Variants in LGR4 observed in about 807,000 individuals in gnomAD.
The protein encoded by LGR4 is leucine-rich repeat-containing G protein-coupled receptor 4.
In LGR4, 44 loss-of-function variants were observed where a neutral mutation model predicts 84.8. The observed-to-expected ratio is 0.52, with a 90% CI of 0.41 to 0.67. The LOEUF is 0.67. Among genes scored for constraint, LGR4 ranks in the 30% least tolerant of loss-of-function variants. The pLI is 0.00. For missense variants in LGR4, 1,032 were observed against 1,131.4 expected, an observed-to-expected ratio of 0.91 and a Z score of 1.26; for synonymous variants, 429 against 434.3, an observed-to-expected ratio of 0.99 and a Z score of 0.15.
chr11:27,430,325 A>C (rs1864094794), intron 1 of LGR4, among the ~76,000 whole-genome samples: 1 of 152,172 alleles, frequency 6.6e-6, no homozygotes, highest in South Asian at 2.1e-4. Flanking sequence ...ACACACACAG[A>C]TTATACTCCA....
intron 1 of LGR4, among the ~76,000 whole-genome samples, chr11:27,415,186 CA>C: frequency 6.6e-6 from 1 of 152,034 alleles, no homozygotes; most frequent in Non-Finnish European, 1.5e-5. Context: ...AAATATCAGA[CA>C]GTTTTGGTGC....
intron 6 of LGR4, chr11:27,384,119 G>A: frequency 2.2e-6 from 1 of 452,060 alleles, no homozygotes; most frequent in Non-Finnish European, 3.9e-6. Context: ...TGTATTCTTT[G>A]GGGGAAAATA....
At chr11:27,454,202 C>T (rs1440701030) in intron 1 of LGR4, among the ~76,000 whole-genome samples, 2 of 152,202 alleles carry the variant, frequency 1.3e-5, no homozygotes, top group Non-Finnish European at 2.9e-5. Context: ...AGCTCCCTGG[C>T]TTCAACTTGT....
chr11:27,468,602 A>C (rs1864819886), intron 1 of LGR4, among the ~76,000 whole-genome samples: 1 of 152,166 alleles, frequency 6.6e-6, no homozygotes, highest in Non-Finnish European at 1.5e-5. Context: ...AATGGTGTAA[A>C]AAATATAAAA....
chr11:27,382,316 C>CAA (rs1863111670), intron 6 of LGR4, 60 bp from the exon 7 acceptor site: 3 of 1,080,338 alleles, frequency 2.8e-6, no homozygotes, highest in African/African-American at 3.1e-5. Flanking sequence ...ATTCATAAGG[C>CAA]ATTTTGTTAC....
intron 1 of LGR4, among the ~76,000 whole-genome samples, chr11:27,449,306 G>C (rs1052470696): frequency 2.0e-5 from 3 of 152,172 alleles, no homozygotes; most frequent in Admixed American, 2.0e-4. Context: ...ATGTCAGCCA[G>C]GCGAGATGGC....
chr11:27,470,967 C>T (rs1467197559), intron 1 of LGR4, among the ~76,000 whole-genome samples: 1 of 152,120 alleles, frequency 6.6e-6, no homozygotes, highest in East Asian at 1.9e-4. Context: ...TCTAAGAGGT[C>T]CCTTCCACTA....
intron 1 of LGR4, among the ~76,000 whole-genome samples, chr11:27,433,253 T>C (rs887739832): frequency 6.6e-6 from 1 of 152,242 alleles, no homozygotes; most frequent in African/African-American, 2.4e-5. Flanking sequence ...CGCTCTGTCA[T>C]CCAGGCTGGA....
rs1470804284 is a variant in LGR4 at position 27,429,906 on chromosome 11, T to C, written c.186-17046A>G. Among the ~76,000 whole-genome samples the C allele has an allele frequency of 3.3e-5, 5 of 152,164 alleles. No homozygotes were observed. The South Asian group carries it at 8.3e-4, about 25-fold the overall frequency. On this transcript the variant is annotated intron_variant, in intron 1 of 17. Coordinates refer to ENST00000379214, the MANE Select transcript of LGR4 (RefSeq NM_018490.5). The stretch of plus-strand genomic sequence containing the variant: ...GAGACAGGAAGAGGGGGGACCTCCA[T>C]GTGACTGTTCCCCCTGCAGCCCTGC...
chr11:27,424,860 C>T (rs1471531069), intron 1 of LGR4, among the ~76,000 whole-genome samples: 1 of 152,152 alleles, frequency 6.6e-6, no homozygotes, highest in Non-Finnish European at 1.5e-5. Flanking sequence ...CAATTCTCCT[C>T]CTTCAGCCTC....
chr11:27,398,993 G>A (rs918379629), intron 2 of LGR4, among the ~76,000 whole-genome samples: 7 of 151,976 alleles, frequency 4.6e-5, no homozygotes, highest in Admixed American at 6.6e-5. Flanking sequence ...TGCAACTGCC[G>A]CCTCCCAGGT....
chr11:27,384,211 C>T, intron 6 of LGR4, 125 bp downstream of exon 6: 2 of 641,742 alleles, frequency 3.1e-6, no homozygotes, highest in Non-Finnish European at 5.5e-6. Flanking sequence ...GAATTTAATC[C>T]AGTATCAAAG....
intron 1 of LGR4, among the ~76,000 whole-genome samples, chr11:27,424,371 G>A (rs994983473): frequency 3.3e-5 from 5 of 152,080 alleles, no homozygotes; most frequent in Admixed American, 2.6e-4. Flanking sequence ...GAGGCTGCTC[G>A]GGAGCCTGAG....
intron 1 of LGR4, among the ~76,000 whole-genome samples, chr11:27,448,852 C>T (rs1422322077): frequency 6.6e-6 from 1 of 152,144 alleles, no homozygotes; most frequent in Non-Finnish European, 1.5e-5. Context: ...AGAAGTATTG[C>T]CTTTCACTTC....
intron 1 of LGR4, among the ~76,000 whole-genome samples, chr11:27,413,094 CTCT>C (rs1863742121): frequency 6.6e-6 from 1 of 152,072 alleles, no homozygotes; most frequent in South Asian, 2.1e-4. Flanking sequence ...GTATTTTCCC[CTCT>C]TAAGTATCCT....
chr11:27,431,442 AT>A (rs1318199430), intron 1 of LGR4, among the ~76,000 whole-genome samples: 12 of 152,136 alleles, frequency 7.9e-5, no homozygotes, highest in African/African-American at 2.9e-4. Context: ...TTCACTATCA[AT>A]TTTCTAACCC....
intron 1 of LGR4, among the ~76,000 whole-genome samples, chr11:27,453,249 A>T (rs1240580171): frequency 6.6e-6 from 1 of 152,058 alleles, no homozygotes; most frequent in Non-Finnish European, 1.5e-5. Flanking sequence ...TTGTACTTTT[A>T]GTAAAGACAG....
chr11:27,393,986 A>G (rs1863339096), intron 2 of LGR4, among the ~76,000 whole-genome samples: 1 of 150,002 alleles, frequency 6.7e-6, no homozygotes, highest in Non-Finnish European at 1.5e-5. Context: ...CAAACAGCCA[A>G]AAGACCCAGA....
At chr11:27,459,837 T>G (rs1282284699) in intron 1 of LGR4, among the ~76,000 whole-genome samples, 3 of 150,906 alleles carry the variant, frequency 2.0e-5, no homozygotes, top group African/African-American at 7.3e-5. Flanking sequence ...ATTCCTGTAA[T>G]CCCAGTACTT....
Sources: gnomAD v4.1 joint callset for allele counts (sites outside exome capture counted in the v4.1 genomes callset) on GRCh38, gnomAD v4.1.1 for gene constraint, MANE v1.5 for transcripts, NCBI Gene and HGNC (gene_info 2026-07-23, HGNC 2026-07-21) for gene names.